Variants in THADA observed in about 807,000 individuals in gnomAD.
THADA encodes the protein THADA armadillo repeat containing, also known as tRNA (32-2'-O)-methyltransferase regulator THADA.
A neutral mutation model predicts 219.8 loss-of-function variants in THADA; 213 were observed. The ratio of observed to expected loss-of-function variants is 0.97; its 90% CI spans 0.87 to 1.09. The LOEUF (loss-of-function observed/expected upper bound fraction) is 1.09, where lower values mean the gene tolerates loss of function less well. THADA is among the 50% of genes least tolerant of loss of function. THADA has a pLI of 0.00. For missense variants in THADA, 2,956 were observed against 2,311.3 expected (o/e 1.28, Z -5.72); for synonymous variants, 1,018 against 828.9 (o/e 1.23, Z -3.92).
intron 28 of THADA, among the ~76,000 whole-genome samples, chr2:43,409,750 T>C (rs1676042880): frequency 6.6e-6 from 1 of 152,190 alleles, no homozygotes; most frequent in African/African-American, 2.4e-5. Flanking sequence ...GCAGGCATGA[T>C]GGCTTACACT....
intron 26 of THADA, among the ~76,000 whole-genome samples, chr2:43,441,580 A>C (rs17030796): frequency 0.027 from 4,116 of 152,310 alleles, 200 homozygotes; most frequent in African/African-American, 0.094. Flanking sequence ...ACTCTACAGC[A>C]TCTTGAATCC....
intron 36 of THADA, among the ~76,000 whole-genome samples, chr2:43,261,499 C>T (rs1035906031): frequency 4.0e-5 from 6 of 151,888 alleles, no homozygotes; most frequent in Non-Finnish European, 7.4e-5. Flanking sequence ...GCTGCTCTGT[C>T]GCCCAGGCTG....
In THADA at chr2:43,547,102, A is replaced by G. The variant is rs1343558750; in HGVS notation, c.3106+2108T>C. On this transcript the variant is annotated intron_variant, in intron 20 of 37. Coordinates refer to ENST00000405975, the MANE Select transcript of THADA (RefSeq NM_022065.5). Reference sequence around the variant, plus strand: ...AATCTCTCAGCATTTGCTTGTCTGTAAAGTATTTTATTTCTCCTTCACTTA... The same window carrying G: ...AATCTCTCAGCATTTGCTTGTCTGTGAAGTATTTTATTTCTCCTTCACTTA... Among the ~76,000 whole-genome samples the G allele has an allele frequency of 3.3e-5, 5 of 152,062 alleles. No individual in the cohort carries two copies. In the East Asian group the frequency reaches 5.8e-4, roughly 18 times the overall value.
chr2:43,571,253 T>C (rs1699265015), intron 13 of THADA, among the ~76,000 whole-genome samples: 1 of 149,696 alleles, frequency 6.7e-6, no homozygotes. Flanking sequence ...AAGACTATTT[T>C]TTTTTTTTTT....
chr2:43,349,361 C>A (rs961144463), intron 29 of THADA, among the ~76,000 whole-genome samples: 3 of 152,206 alleles, frequency 2.0e-5, no homozygotes, highest in Non-Finnish European at 2.9e-5. Flanking sequence ...CTGTGCAAAG[C>A]ATGGGGTCCA....
At chr2:43,535,210 A>T (rs1558927545) in intron 21 of THADA, among the ~76,000 whole-genome samples, 2 of 101,660 alleles carry the variant, frequency 2.0e-5, no homozygotes, top group Non-Finnish European at 1.8e-5. Flanking sequence ...GAGATGTTTG[A>T]GGTCCCTGTA....
chr2:43,250,786 A>C (rs1669733360), intron 36 of THADA, among the ~76,000 whole-genome samples: 1 of 152,222 alleles, frequency 6.6e-6, no homozygotes, highest in South Asian at 2.1e-4. Flanking sequence ...TAGTGTGTCA[A>C]GAACAGAGGA....
At position 43,369,935 on chromosome 2, in the gene THADA, G is replaced by A. The variant is rs372347467; in HGVS notation, c.4228-25698C>T. Among the ~76,000 whole-genome samples, 25 of 152,292 alleles carry A rather than the reference G, an allele frequency of 1.6e-4. No individual in the cohort carries two copies. In the East Asian group the frequency reaches 3.3e-3, roughly 20 times the overall value. On this transcript the variant is annotated intron_variant, in intron 29 of 37. Transcript: ENST00000405975. ...CTTGTACTCCAATGTTTCTACTTCA[G>A]GTTTGTTGGTTGTGTCTCCCCAACC...
At chr2:43,556,744 G>A (rs549032537) in intron 16 of THADA, among the ~76,000 whole-genome samples, 189 bp from the exon 17 acceptor site, 15 of 152,210 alleles carry the variant, frequency 9.9e-5, no homozygotes, top group African/African-American at 3.6e-4. Flanking sequence ...AGACAACATA[G>A]TGAGACCCCA....
rs145031803 is a variant in THADA at position 43,574,327 on chromosome 2, T to A, written c.1729+9A>T. Reference sequence around the variant, plus strand: ...AGAAACTACTAAAACAAAAATGCATTTTTCTTACCAGTTTTAGCATCAATA... The same window carrying A: ...AGAAACTACTAAAACAAAAATGCATATTTCTTACCAGTTTTAGCATCAATA... On this transcript the variant is annotated intron_variant, in intron 11 of 37. Transcript: ENST00000405975. 3.8e-4 allele frequency: 575 copies of A among 1,517,926 alleles called. 2 individuals carry two copies. The East Asian group carries it at 9.2e-3, about 24-fold the overall frequency. The allele number at this position is 1,517,926 out of a possible 1,614,324, so 94.0% of individuals were successfully genotyped here. A position where few individuals can be genotyped will look rare whatever the true frequency, so the allele number is the denominator to read the frequency against.
chr2:43,233,498 C>T (rs1667680778), intron 36 of THADA: 1 of 152,126 alleles, frequency 6.6e-6, no homozygotes, highest in African/African-American at 2.4e-5. Context: ...TTTTTCCCAA[C>T]CAATTAAAAA....
intron 34 of THADA, among the ~76,000 whole-genome samples, chr2:43,291,482 A>AAAAAAAAAAAAAAAAAAAAAT: frequency 7.0e-6 from 1 of 142,204 alleles, no homozygotes. Flanking sequence ...AAAAAAAAAA[A>AAAAAAAAAAAAAAAAAAAAAT]TCCTAAAACA....
intron 31 of THADA, among the ~76,000 whole-genome samples, chr2:43,309,967 C>T (rs1036109368): frequency 6.6e-6 from 1 of 152,114 alleles, no homozygotes; most frequent in Admixed American, 6.5e-5. Context: ...CTATTTATAA[C>T]AGCATCAAAA....
At chr2:43,370,205 A>G (rs1264040990) in intron 29 of THADA, 1 of 152,260 alleles carries the variant, frequency 6.6e-6, no homozygotes, top group Non-Finnish European at 1.5e-5. Flanking sequence ...GGCCTGAAAG[A>G]GCAAAGCAAT....
intron 31 of THADA, among the ~76,000 whole-genome samples, chr2:43,308,755 T>C (rs1326239673): frequency 1.6e-5 from 1 of 63,320 alleles, no homozygotes; most frequent in Non-Finnish European, 2.7e-5. Context: ...TGGATACCCA[T>C]ACCAAAAAAA....
intron 26 of THADA, among the ~76,000 whole-genome samples, chr2:43,461,321 T>C (rs1205245561): frequency 6.6e-6 from 1 of 152,228 alleles, no homozygotes; most frequent in East Asian, 1.9e-4. Context: ...TTAAAATCCC[T>C]GTGACTAAGT....
intron 16 of THADA, among the ~76,000 whole-genome samples, chr2:43,556,789 G>A (rs1697408061): frequency 6.6e-6 from 1 of 152,080 alleles, no homozygotes; most frequent in Admixed American, 6.6e-5. Flanking sequence ...CACAGGCTTG[G>A]TGCAGTGGCT....
At chr2:43,585,388 G>A (rs1331085011) in intron 7 of THADA, among the ~76,000 whole-genome samples, 1 of 151,492 alleles carries the variant, frequency 6.6e-6, no homozygotes, top group East Asian at 1.9e-4. Flanking sequence ...CATGGTGGCG[G>A]GCACCTGTAG....
At chr2:43,425,790 T>C (rs11124935) in intron 28 of THADA, among the ~76,000 whole-genome samples, 49,584 of 151,942 alleles carry the variant, frequency 0.33, 8,428 homozygotes, top group Non-Finnish European at 0.38. Flanking sequence ...TCTCAGAAGA[T>C]GTGTTATCAC....
Sources: allele counts gnomAD v4.1 joint callset (sites outside exome capture counted in the v4.1 genomes callset), GRCh38; gene constraint gnomAD v4.1.1; transcripts MANE v1.5; gene names NCBI Gene and HGNC (gene_info 2026-07-23, HGNC 2026-07-21).